THRB: variants seen among roughly 807,000 people sequenced by gnomAD.
THRB encodes the protein nuclear receptor subfamily 1 group A member 2.
Under a neutral mutation model 47.8 loss-of-function variants are expected in THRB, and 12 were observed. That is an observed-to-expected ratio of 0.25 (90% confidence interval 0.16 to 0.41). The LOEUF (loss-of-function observed/expected upper bound fraction) is 0.41. Among genes scored for constraint, THRB ranks in the 10% least tolerant of loss-of-function variants. The pLI, the probability that THRB is intolerant of heterozygous loss-of-function variation, is 1.00. For missense variants in THRB, 348 were observed against 589.2 expected (o/e 0.59, Z 4.24); for synonymous variants, 218 against 212.2 (o/e 1.03, Z -0.24).
intron 1 of THRB, among the ~76,000 whole-genome samples, chr3:24,412,528 T>G (rs1292369790): frequency 6.6e-6 from 1 of 151,790 alleles, no homozygotes; most frequent in African/African-American, 2.4e-5. Flanking sequence ...ACAGATGGAT[T>G]AAAGAGTTAC....
intron 1 of THRB, among the ~76,000 whole-genome samples, chr3:24,403,996 G>A (rs553336427): frequency 5.3e-5 from 8 of 151,948 alleles, no homozygotes; most frequent in Admixed American, 1.3e-4. Flanking sequence ...AGTATTTGTC[G>A]CCAATGATAA....
At chr3:24,411,500 G>A (rs1457207050) in intron 1 of THRB, among the ~76,000 whole-genome samples, 1 of 151,588 alleles carries the variant, frequency 6.6e-6, no homozygotes, top group Non-Finnish European at 1.5e-5. Flanking sequence ...TGAGCCCAAT[G>A]ATAGTGGACC....
intron 1 of THRB, among the ~76,000 whole-genome samples, chr3:24,417,675 A>C (rs1055108969): frequency 2.0e-5 from 3 of 151,904 alleles, no homozygotes; most frequent in African/African-American, 7.2e-5. Flanking sequence ...CCACATTGGA[A>C]TAACTATATT....
chr3:24,125,384 A>C (rs1259011425), intron 10 of THRB, among the ~76,000 whole-genome samples: 2 of 152,208 alleles, frequency 1.3e-5, no homozygotes, highest in African/African-American at 4.8e-5. Flanking sequence ...CAGGAAGAAA[A>C]CCGTCAGAGA....
intron 2 of THRB, among the ~76,000 whole-genome samples, chr3:24,318,842 C>T (rs1170161932): frequency 6.6e-6 from 1 of 152,178 alleles, no homozygotes; most frequent in African/African-American, 2.4e-5. Flanking sequence ...TCACATCTGA[C>T]TAGGCTGAGA....
In THRB at chr3:24,143,842, G is replaced by A. The variant is rs1170951126; in HGVS notation, c.533-136C>T. On this transcript the variant is annotated intron_variant, in intron 7 of 10. Coordinates refer to ENST00000646209, the MANE Select transcript of THRB (RefSeq NM_001354712.2). ...TGGGTCCTTCGGGGTGGGTCACACT[G>A]GGACAGTTTCTCTCCTCACCAGCAA... 1.3e-5 allele frequency: 11 copies of A among 835,254 alleles called. 1 individual carries two copies. Among genetic ancestry groups the A allele is most frequent in the Middle Eastern group, 3.1e-4 (1 of 3,272 alleles). 51.7% of individuals were successfully genotyped at this position (835,254 alleles called of 1,614,324 possible).
At chr3:24,156,885 A>C (rs1039660959) in intron 5 of THRB, among the ~76,000 whole-genome samples, 3 of 152,144 alleles carry the variant, frequency 2.0e-5, no homozygotes, top group African/African-American at 7.2e-5. Context: ...AAAACCTTGA[A>C]AGGGTTATCC....
intron 5 of THRB, chr3:24,165,386 T>C: frequency 1.4e-6 from 1 of 740,598 alleles, no homozygotes; most frequent in Non-Finnish European, 2.5e-6. Context: ...CTAGTTTACA[T>C]ATACACACAG....
At chr3:24,157,484 T>C (rs2038040811) in intron 5 of THRB, among the ~76,000 whole-genome samples, 1 of 152,178 alleles carries the variant, frequency 6.6e-6, no homozygotes, top group Admixed American at 6.5e-5. Context: ...TTTCTTCTGA[T>C]TCAAGAATTC....
chr3:24,265,751 T>A (rs970421851), intron 3 of THRB, among the ~76,000 whole-genome samples: 4 of 152,138 alleles, frequency 2.6e-5, no homozygotes, highest in African/African-American at 9.7e-5. Flanking sequence ...CGTAGATTAT[T>A]TGAGTGTATT....
In THRB at chr3:24,119,021, AT is replaced by A. The variant is rs1407019079; in HGVS notation, c.*3862del. 4.6e-5 allele frequency: 1 copy of A among 21,706 alleles called. No individual in the cohort carries two copies. The highest frequency in any genetic ancestry group is 2.7e-4 in the African/African-American group (1 of 3,750). The allele number at this position is 21,706 out of a possible 1,614,324, so 1.3% of individuals were successfully genotyped here. On this transcript the variant is annotated 3_prime_UTR_variant, in exon 11 of 11. Transcript: ENST00000646209. ...TTTTTTTTGAGTGTGTTTTTAATGC[AT>A]TTTTTTTAAAGATTAAAGTAAAATG...
intron 3 of THRB, among the ~76,000 whole-genome samples, chr3:24,258,062 T>G (rs1187471868): frequency 1.3e-5 from 2 of 152,188 alleles, no homozygotes; most frequent in Non-Finnish European, 2.9e-5. Flanking sequence ...TTGTATGAAT[T>G]TATTCACCGC....
chr3:24,279,951 C>A (rs1281994015), intron 3 of THRB, among the ~76,000 whole-genome samples: 1 of 152,128 alleles, frequency 6.6e-6, no homozygotes, highest in Non-Finnish European at 1.5e-5. Context: ...TTTTATCTTA[C>A]ACATTTAAAA....
intron 8 of THRB, among the ~76,000 whole-genome samples, chr3:24,139,389 C>CTTTT (rs5847276): frequency 8.3e-5 from 12 of 144,094 alleles, no homozygotes; most frequent in South Asian, 2.2e-4. Flanking sequence ...TCTTTTCTTT[C>CTTTT]TTTTTTTTTT....
chr3:24,210,115 C>T (rs2045867744), intron 4 of THRB, among the ~76,000 whole-genome samples: 1 of 152,144 alleles, frequency 6.6e-6, no homozygotes, highest in African/African-American at 2.4e-5. Flanking sequence ...GTGGCAAGTT[C>T]AGGGGACGGT....
At chr3:24,464,254 A>G (rs201291133) in intron 1 of THRB, among the ~76,000 whole-genome samples, 3,374 of 144,592 alleles carry the variant, frequency 0.023, 56 homozygotes, top group East Asian at 0.077. Context: ...AAAAAAAAAA[A>G]GAAAAAAAAA....
chr3:24,192,940 G>A (rs1293465885), intron 4 of THRB, among the ~76,000 whole-genome samples: 1 of 152,164 alleles, frequency 6.6e-6, no homozygotes, highest in Non-Finnish European at 1.5e-5. Flanking sequence ...AGAAGTCCCG[G>A]TTGGGTCATG....
intron 1 of THRB, among the ~76,000 whole-genome samples, chr3:24,489,139 G>A (rs974532414): frequency 1.3e-5 from 2 of 151,868 alleles, no homozygotes; most frequent in Non-Finnish European, 2.9e-5. Context: ...CTGTAATTAC[G>A]GCTAAGGCAC....
intron 3 of THRB, among the ~76,000 whole-genome samples, chr3:24,254,449 TAATAC>T (rs1368942428): frequency 1.3e-5 from 2 of 151,700 alleles, no homozygotes; most frequent in Non-Finnish European, 2.9e-5. Context: ...ATGTGTTTAA[TAATAC>T]ATATACTATT....
Sources: allele counts gnomAD v4.1 joint callset (sites outside exome capture counted in the v4.1 genomes callset), GRCh38; gene constraint gnomAD v4.1.1; transcripts MANE v1.5; gene names NCBI Gene and HGNC (gene_info 2026-07-23, HGNC 2026-07-21).